KIF18B: variants seen among roughly 807,000 people sequenced by gnomAD.
KIF18B encodes the protein kinesin-like protein KIF18B.
Under a neutral mutation model 80.9 loss-of-function variants are expected in KIF18B, and 49 were observed. The ratio of observed to expected loss-of-function variants is 0.61; its 90% CI spans 0.48 to 0.77. The LOEUF is 0.77. Among genes scored for constraint, KIF18B ranks in the 30% least tolerant of loss-of-function variants. The probability of loss-of-function intolerance (pLI) is 0.00; values close to 1 mark genes in which losing one functional copy is unlikely to be tolerated. For missense variants in KIF18B, 994 were observed against 1,127.7 expected, an observed-to-expected ratio of 0.88 and a Z score of 1.70; for synonymous variants, 439 against 463.9, an observed-to-expected ratio of 0.95 and a Z score of 0.69.
chr17:44,928,966 T>C lies in KIF18B; in HGVS notation c.1576A>G (p.Asn526Asp), dbSNP rs750649234. Residue 526 changes from asparagine (N) to aspartate (D), a missense_variant, in exon 12 of 16, where the codon AAC (asparagine) becomes GAC (aspartate). Coordinates refer to ENST00000593135, the MANE Select transcript of KIF18B (RefSeq NM_001265577.2). Reference sequence around the variant, plus strand: ...GTGATCATGTCGGGCGTCAGGAGGTTGGCTGCTTGGAGCAGGGAGTACTGC... The same window carrying C: ...GTGATCATGTCGGGCGTCAGGAGGTCGGCTGCTTGGAGCAGGGAGTACTGC... ...QRQYSLLQAA[N>D]LLTPDMITEF... 8 of 1,614,038 alleles carry C rather than the reference T, an allele frequency of 5.0e-6. No homozygotes were observed. Among genetic ancestry groups the C allele is most frequent in the Non-Finnish European group, 3.4e-6 (4 of 1,179,892 alleles).
chr17:44,935,464 G>C, intron 2 of KIF18B, 48 bp from the exon 3 acceptor site: 1 of 1,531,322 alleles, frequency 6.5e-7, no homozygotes, highest in South Asian at 1.3e-5. Context: ...TTGCCACCCA[G>C]CTCAGCCCTT....
Position 44,934,220 on chromosome 17 carries a change from T to G in KIF18B, c.885+13A>C. Reference sequence around the variant, plus strand: ...TGCTATCCTGGGGAGAATACTGGCCTGTGCTGCTTTACCTTTGCATCGGCC... The same window carrying G: ...TGCTATCCTGGGGAGAATACTGGCCGGTGCTGCTTTACCTTTGCATCGGCC... On this transcript the variant is annotated intron_variant, in intron 6 of 15. Transcript: ENST00000593135. This position sits in a 1 kb window ranked among gnomAD's most constrained non-coding sequence, Gnocchi z 5.4. The G allele has an allele frequency of 6.2e-7, 1 of 1,605,024 alleles. No individual in the cohort carries two copies. The highest frequency in any genetic ancestry group is 1.1e-5 in the South Asian group (1 of 90,104).
chr17:44,943,806 C>G lies in KIF18B; in HGVS notation c.-15+3822G>C, dbSNP rs577930057. ...CACAGCAGCCTCGAACTCCTGGGCT[C>G]GAGCCATCTTCCCACTTCATCATGT... On this transcript the variant is annotated intron_variant, in intron 1 of 15. Transcript: ENST00000593135. Among the ~76,000 whole-genome samples the G allele has an allele frequency of 2.6e-5, 4 of 152,278 alleles. No individual in the cohort carries two copies. In the South Asian group the frequency reaches 6.2e-4, roughly 24 times the overall value.
At chr17:44,931,905 C>T (rs2052157726) in intron 10 of KIF18B, 151 bp downstream of exon 10, 1 of 1,172,560 alleles carries the variant, frequency 8.5e-7, no homozygotes, top group Non-Finnish European at 1.2e-6. Context: ...TCTTCCTGCA[C>T]AGAATCTGAA....
chr17:44,934,681 G>T lies in KIF18B; in HGVS notation c.577-64C>A. 7.2e-7 allele frequency: 1 copy of T among 1,396,850 alleles called. No homozygotes were observed. The highest frequency in any genetic ancestry group is 9.7e-7 in the Non-Finnish European group (1 of 1,028,292). 86.5% of individuals were successfully genotyped at this position (1,396,850 alleles called of 1,614,324 possible). ...CGGATCAGGACTTTTCCCCTAACAG[G>T]AAGGGCTGCTCTTCAGAATCTACAT... is the stretch of plus-strand genomic sequence containing the variant. On this transcript the variant is annotated intron_variant, in intron 4 of 15. Coordinates refer to ENST00000593135, the MANE Select transcript of KIF18B (RefSeq NM_001265577.2). This position sits in a 1 kb window ranked among gnomAD's most constrained non-coding sequence, Gnocchi z 5.4.
Position 44,926,077 on chromosome 17 carries a change from C to A in KIF18B, c.*3G>T. ...CACCTTGGTGGTCAGGACATTCTGG[C>A]GGTCAGGACACCTTGGTGACGCCGT... On this transcript the variant is annotated 3_prime_UTR_variant, in exon 16 of 16. Coordinates refer to ENST00000593135, the MANE Select transcript of KIF18B (RefSeq NM_001265577.2). 6 of 1,613,796 alleles carry A rather than the reference C, an allele frequency of 3.7e-6. No homozygotes were observed. The highest frequency in any genetic ancestry group is 1.1e-5 in the South Asian group (1 of 91,070).
chr17:44,939,366 C>CAAAAAAAAAAAAAAAAAAAA (rs781348504), intron 1 of KIF18B, among the ~76,000 whole-genome samples: 9 of 36,948 alleles, frequency 2.4e-4, no homozygotes, highest in African/African-American at 7.3e-4. Context: ...GACTCCATCT[C>CAAAAAAAAAAAAAAAAAAAA]AAAAAAAAAA....
chr17:44,936,565 T>A (rs1210730597), intron 1 of KIF18B, among the ~76,000 whole-genome samples: 1,563 of 46,186 alleles, frequency 0.034, 98 homozygotes, highest in African/African-American at 0.069. Flanking sequence ...ACTCTCTCTC[T>A]CTCTCTCTCT....
At chr17:44,933,083 G>A (rs9894373) in intron 7 of KIF18B, 97 bp from the exon 8 acceptor site, 46,823 of 1,123,528 alleles carry the variant, frequency 0.042, 1,655 homozygotes, top group African/African-American at 0.15. Context: ...TCTCTCCCAC[G>A]TCCCCATGAC....
rs1410897335 is a variant in KIF18B, at chr17:44,936,706, CTCGGCTCATTGCAA to C, written c.-14-362_-14-349del. 4.6e-5 allele frequency among the ~76,000 whole-genome samples: 6 copies of C among 129,684 alleles called. No homozygotes were observed. The Admixed American group carries it at 5.3e-4, about 12-fold the overall frequency. The allele number at this position is 129,684 out of a possible 152,430, so 85.1% of individuals were successfully genotyped here. On this transcript the variant is annotated intron_variant, in intron 1 of 15. Transcript: ENST00000593135. ...CCAGGCTAGAGTGCAATGGCATGAT[CTCGGCTCATTGCAA>C]CCTCCACCTCCCAGGTTCAAGCGAT...
At position 44,932,418 on chromosome 17, in the gene KIF18B, A is replaced by G; in HGVS notation, c.1239-212T>C. ...TCAGGGATTTTCTGGTTTGAGAGAC[A>G]ATGACACACACCCCTAAGTTCACCT... On this transcript the variant is annotated intron_variant, in intron 9 of 15. Transcript: ENST00000593135. The G allele has an allele frequency of 9.9e-6, 6 of 604,876 alleles. No individual in the cohort carries two copies. In the South Asian group the frequency reaches 1.3e-4, roughly 13 times the overall value. The allele number at this position is 604,876 out of a possible 1,614,324, so 37.5% of individuals were successfully genotyped here.
At chr17:44,935,040 C>A in intron 3 of KIF18B, 105 bp from the exon 4 acceptor site, 2 of 942,792 alleles carry the variant, frequency 2.1e-6, no homozygotes, top group Non-Finnish European at 3.1e-6. Flanking sequence ...TCTGAGACAC[C>A]CACAGAAGTG....
intron 7 of KIF18B, among the ~76,000 whole-genome samples, chr17:44,933,245 G>A (rs1567791485): frequency 6.6e-6 from 1 of 152,002 alleles, no homozygotes; most frequent in African/African-American, 2.4e-5. Flanking sequence ...AGGGCTCCCT[G>A]GGGGGAGGGA....
chr17:44,944,599 A>G (rs2052479343), intron 1 of KIF18B, among the ~76,000 whole-genome samples: 1 of 152,096 alleles, frequency 6.6e-6, no homozygotes, highest in Non-Finnish European at 1.5e-5. Context: ...TAGACCCAAT[A>G]TGTTTTCTCT....
Position 44,927,165 on chromosome 17 carries a change from G to A in KIF18B, c.2277-87C>T, listed in dbSNP as rs989260539. The A allele has an allele frequency of 3.1e-6, 3 of 974,552 alleles. No homozygotes were observed. The highest frequency in any genetic ancestry group is 4.6e-6 in the Non-Finnish European group (3 of 654,080). The allele number at this position is 974,552 out of a possible 1,614,324, so 60.4% of individuals were successfully genotyped here. Reference sequence around the variant, plus strand: ...TTCCTCCCTCCAGCCCCCAGCTCGGGCATGGGGGAGGGTGGTTGGACAAGA... The same window carrying A: ...TTCCTCCCTCCAGCCCCCAGCTCGGACATGGGGGAGGGTGGTTGGACAAGA... On this transcript the variant is annotated intron_variant, in intron 13 of 15. Transcript: ENST00000593135. The surrounding 1 kb of genome is among the most constrained non-coding windows in gnomAD (Gnocchi z 4.1).
intron 9 of KIF18B, 35 bp downstream of exon 9, chr17:44,932,638 G>A: frequency 9.1e-7 from 1 of 1,104,116 alleles, no homozygotes; most frequent in Non-Finnish European, 1.4e-6. Context: ...TGGCTGAGCT[G>A]CAGGGTGGGG....
At position 44,935,315 on chromosome 17, in the gene KIF18B, G is replaced by A. The variant is rs781011969; in HGVS notation, c.415C>T (p.Arg139Cys). The stretch of plus-strand genomic sequence containing the variant: ...TTCTCCTGCTGGCGGGCCTCCAGGC[G>A]CCTGTACAGTTCCACGGTGGTCAGG... The part of the protein sequence containing the change: ...MYLTTVELYR[R>C]LEARQQEKHF... The change falls in exon 3 of 16, where the codon CGC becomes TGC. Residue 139 changes from arginine (R) to cysteine (C), a missense_variant. Arg to Cys is a radical substitution (Grantham distance 180). Coordinates refer to ENST00000593135, the MANE Select transcript of KIF18B (RefSeq NM_001265577.2). The A allele has an allele frequency of 1.4e-5, 22 of 1,613,160 alleles. No homozygotes were observed. The highest frequency in any genetic ancestry group is 1.7e-4 in the Middle Eastern group (1 of 6,054).
intron 14 of KIF18B, 44 bp downstream of exon 14, chr17:44,926,945 A>G: frequency 6.6e-7 from 1 of 1,526,112 alleles, no homozygotes; most frequent in Non-Finnish European, 9.0e-7. Flanking sequence ...CCCTGGTGAG[A>G]GCGAGCTCCT....
chr17:44,931,422 T>C (rs571867962), intron 11 of KIF18B, among the ~76,000 whole-genome samples, 180 bp downstream of exon 11: 3 of 152,220 alleles, frequency 2.0e-5, no homozygotes, highest in African/African-American at 2.4e-5. Flanking sequence ...GAGGAATACA[T>C]AGAGGTGATA....
Sources: gnomAD v4.1 joint callset for allele counts (sites outside exome capture counted in the v4.1 genomes callset) on GRCh38, gnomAD v4.1.1 for gene constraint, Gnocchi (gnomAD v3.1) non-coding constraint, MANE v1.5 for transcripts, NCBI Gene and HGNC (gene_info 2026-07-23, HGNC 2026-07-21) for gene names.